Variants in FOCAD observed in about 807,000 individuals in gnomAD.
FOCAD encodes the protein focadhesin.
FOCAD carries 198 observed loss-of-function variants against 225.6 expected under a neutral mutation model. The observed-to-expected ratio is 0.88, with a 90% CI of 0.78 to 0.99. FOCAD has a LOEUF of 0.99. FOCAD is among the 50% of genes least tolerant of loss of function. FOCAD has a pLI of 0.00. For missense variants in FOCAD, 2,713 were observed against 2,123.6 expected (o/e 1.28, Z -5.46); for synonymous variants, 897 against 755.0 (o/e 1.19, Z -3.08).
intron 7 of FOCAD, among the ~76,000 whole-genome samples, chr9:20,767,669 G>T (rs1449094839): frequency 7.0e-6 from 1 of 142,426 alleles, no homozygotes; most frequent in Non-Finnish European, 1.6e-5. Flanking sequence ...TTTTGATGGG[G>T]TTGTTTGTTT....
chr9:20,740,609 T>C (rs1184336954), intron 5 of FOCAD, among the ~76,000 whole-genome samples: 1 of 152,180 alleles, frequency 6.6e-6, no homozygotes, highest in African/African-American at 2.4e-5. Context: ...TTCTGTTTAC[T>C]CTAGAATATG....
At chr9:20,867,498 A>T (rs1829392569) in intron 18 of FOCAD, among the ~76,000 whole-genome samples, 1 of 152,042 alleles carries the variant, frequency 6.6e-6, no homozygotes, top group South Asian at 2.1e-4. Flanking sequence ...AAGAGTTAAC[A>T]CATAGTGTGA....
At position 20,862,520 on chromosome 9, in the gene FOCAD, A is replaced by T. The variant is rs187217115; in HGVS notation, c.1921-58A>T. 1,037 of 1,565,272 alleles carry T rather than the reference A, an allele frequency of 6.6e-4. 4 individuals are homozygous for T. The African/African-American group carries it at 0.013, about 19-fold the overall frequency. Reference sequence around the variant, plus strand: ...TAATAAAATATAGTACTCTTAATTAATGGCTTCATATAGGTTGGAGTCTTG... The same window carrying T: ...TAATAAAATATAGTACTCTTAATTATTGGCTTCATATAGGTTGGAGTCTTG... On this transcript the variant is annotated intron_variant, in intron 15 of 43. Coordinates refer to ENST00000338382, the MANE Select transcript of FOCAD (RefSeq NM_001375567.1).
intron 8 of FOCAD, among the ~76,000 whole-genome samples, chr9:20,773,003 A>T (rs936946299): frequency 6.6e-6 from 1 of 151,614 alleles, no homozygotes; most frequent in African/African-American, 2.4e-5. Flanking sequence ...TTTTATAGAT[A>T]AATATTATAC....
intron 35 of FOCAD, among the ~76,000 whole-genome samples, chr9:20,973,563 A>G (rs1231332741): frequency 3.5e-5 from 4 of 114,040 alleles, no homozygotes; most frequent in African/African-American, 1.4e-4. Flanking sequence ...CCTTTTTCCT[A>G]TGTTTCTCCT....
At chr9:20,794,672 G>C (rs1820874735) in intron 11 of FOCAD, among the ~76,000 whole-genome samples, 2 of 152,158 alleles carry the variant, frequency 1.3e-5, no homozygotes, top group South Asian at 4.1e-4. Context: ...AGGGAAAATT[G>C]TAAGGGATTT....
At chr9:20,847,839 A>T (rs1827271012) in intron 15 of FOCAD, among the ~76,000 whole-genome samples, 1 of 152,126 alleles carries the variant, frequency 6.6e-6, no homozygotes. Context: ...AGAAGACAAT[A>T]ATTTTAGATG....
intron 11 of FOCAD, among the ~76,000 whole-genome samples, chr9:20,803,678 G>C (rs1309412280): frequency 6.6e-6 from 1 of 152,104 alleles, no homozygotes; most frequent in Non-Finnish European, 1.5e-5. Flanking sequence ...TTCTGTTAGA[G>C]AGTATCTCAC....
chr9:20,934,983 A>G (rs1475157125), intron 28 of FOCAD, among the ~76,000 whole-genome samples: 1 of 152,196 alleles, frequency 6.6e-6, no homozygotes, highest in Non-Finnish European at 1.5e-5. Context: ...GATGACACAA[A>G]TGGAAACACA....
rs909888214 is a variant in FOCAD, at chr9:20,806,772, T to C, written c.1456-13024T>C. On this transcript the variant is annotated intron_variant, in intron 11 of 43. Transcript: ENST00000338382. ...TTATTAATATTTTGGTAATAGATGG[T>C]ATGATTATAGTGGAATTTATTTGTA... Among the ~76,000 whole-genome samples the C allele has an allele frequency of 2.0e-5, 3 of 152,344 alleles. No individual in the cohort carries two copies. In the South Asian group the frequency reaches 6.2e-4, roughly 32 times the overall value.
intron 22 of FOCAD, among the ~76,000 whole-genome samples, chr9:20,910,570 G>T (rs1460936129): frequency 2.0e-5 from 3 of 151,978 alleles, no homozygotes; most frequent in African/African-American, 7.3e-5. Context: ...TATGGTACAG[G>T]CTAAAGATTA....
At chr9:20,872,775 T>C (rs146946550) in intron 18 of FOCAD, 1 of 152,042 alleles carries the variant, frequency 6.6e-6, no homozygotes. Context: ...TTTAGAACAT[T>C]TTCCCCCCTG....
chr9:20,785,060 G>A (rs1819776167), intron 10 of FOCAD, among the ~76,000 whole-genome samples: 2 of 151,926 alleles, frequency 1.3e-5, no homozygotes, highest in Non-Finnish European at 1.5e-5. Context: ...CATTTCATAT[G>A]TGCAGGCTTC....
rs774213759 is a variant in FOCAD at position 20,885,138 on chromosome 9, A to G, written c.2533A>G (p.Met845Val). 14 of 1,515,646 alleles carry G rather than the reference A, an allele frequency of 9.2e-6. No individual in the cohort carries two copies. The African/African-American group carries it at 1.3e-4, about 14-fold the overall frequency. 93.9% of individuals were successfully genotyped at this position (1,515,646 alleles called of 1,614,324 possible). A position where few individuals can be genotyped will look rare whatever the true frequency, so the allele number is the denominator to read the frequency against. ...TATGTTATTTTGCTATGATGTTTCC[A>G]TGTATCAGAGTAAAGATGGAAAACC... Reference protein sequence around the residue: ...GGMLFCYDVSMYQSKDGKPLN... With the variant: ...GGMLFCYDVSVYQSKDGKPLN... Residue 845 changes from methionine (M) to valine (V), a missense_variant, in exon 21 of 44, where the codon ATG becomes GTG. Met to Val is a conservative substitution (Grantham distance 21, BLOSUM62 1). Transcript: ENST00000338382.
chr9:20,981,972 C>T (rs1037661105), intron 38 of FOCAD, among the ~76,000 whole-genome samples: 1 of 152,122 alleles, frequency 6.6e-6, no homozygotes, highest in Non-Finnish European at 1.5e-5. Flanking sequence ...CGAGAAGGCT[C>T]AGAAGTCCTT....
At chr9:20,760,227 A>G (rs936601508) in intron 6 of FOCAD, among the ~76,000 whole-genome samples, 2 of 152,230 alleles carry the variant, frequency 1.3e-5, no homozygotes, top group Non-Finnish European at 1.5e-5. Flanking sequence ...CTTGCAGTGC[A>G]TGGGCTAAGC....
chr9:20,831,462 G>T (rs1825485319), intron 15 of FOCAD, among the ~76,000 whole-genome samples: 1 of 152,076 alleles, frequency 6.6e-6, no homozygotes. Context: ...TGCATATAAA[G>T]ATTTATGAGA....
At chr9:20,952,851 G>A (rs1203232633) in intron 34 of FOCAD, 134 bp from the exon 35 acceptor site, 3 of 702,340 alleles carry the variant, frequency 4.3e-6, no homozygotes, top group African/African-American at 1.8e-5. Flanking sequence ...CAGCCACAAA[G>A]TGTTGTGCTG....
intron 11 of FOCAD, among the ~76,000 whole-genome samples, chr9:20,792,083 T>C (rs1820596434): frequency 6.6e-6 from 1 of 152,212 alleles, no homozygotes; most frequent in Non-Finnish European, 1.5e-5. Context: ...CTTAACAGTA[T>C]CTTATAAATA....
Sources: allele counts gnomAD v4.1 joint callset (sites outside exome capture counted in the v4.1 genomes callset), GRCh38; gene constraint gnomAD v4.1.1; transcripts MANE v1.5; gene names NCBI Gene and HGNC (gene_info 2026-07-23, HGNC 2026-07-21).